Variants in KIAA0753 observed in about 807,000 individuals in gnomAD.
KIAA0753 encodes the protein KIAA0753.
In KIAA0753, 114 loss-of-function variants were observed where a neutral mutation model predicts 116.9. The ratio of observed to expected loss-of-function variants is 0.98; its 90% CI spans 0.84 to 1.14. The LOEUF is 1.14. Among genes scored for constraint, KIAA0753 ranks in the 50% most tolerant of loss-of-function variants. The pLI is 0.00. For missense variants in KIAA0753, 1,156 were observed against 1,172.4 expected (o/e 0.99, Z 0.20); for synonymous variants, 405 against 413.1 (o/e 0.98, Z 0.24).
intron 14 of KIAA0753, among the ~76,000 whole-genome samples, chr17:6,597,203 C>T (rs922881849): frequency 1.3e-5 from 2 of 152,106 alleles, no homozygotes; most frequent in Admixed American, 6.5e-5. Flanking sequence ...TGAATGGTTA[C>T]AGCTACGGCA....
At chr17:6,609,834 A>G (rs1970415840) in intron 9 of KIAA0753, among the ~76,000 whole-genome samples, 160 bp downstream of exon 9, 2 of 152,186 alleles carry the variant, frequency 1.3e-5, no homozygotes, top group African/African-American at 2.4e-5. Context: ...GCTTCCAGAC[A>G]AAGACTTCTC....
At chr17:6,596,904 T>C (rs1969525405) in intron 14 of KIAA0753, among the ~76,000 whole-genome samples, 1 of 152,246 alleles carries the variant, frequency 6.6e-6, no homozygotes, top group Admixed American at 6.5e-5. Flanking sequence ...TGTATTTCTC[T>C]TGATTTGAAT....
chr17:6,625,065 G>A (rs1256715494), intron 3 of KIAA0753, among the ~76,000 whole-genome samples: 1 of 152,194 alleles, frequency 6.6e-6, no homozygotes, highest in Non-Finnish European at 1.5e-5. Flanking sequence ...CTGAGAGATG[G>A]AAGGGACATA....
intron 16 of KIAA0753, 133 bp from the exon 17 acceptor site, chr17:6,590,763 T>G (rs1361729820): frequency 1.3e-6 from 1 of 799,672 alleles, no homozygotes; most frequent in Non-Finnish European, 2.0e-6. Context: ...TGGCTAGCAG[T>G]GCAATGGGAA....
chr17:6,619,587 C>T (rs1310801352), intron 7 of KIAA0753, among the ~76,000 whole-genome samples: 1 of 152,024 alleles, frequency 6.6e-6, no homozygotes, highest in Admixed American at 6.6e-5. Context: ...CCACCACTCC[C>T]GGCTACTTTT....
At chr17:6,605,274 T>G (rs1295693698) in intron 12 of KIAA0753, among the ~76,000 whole-genome samples, 1 of 152,126 alleles carries the variant, frequency 6.6e-6, no homozygotes, top group African/African-American at 2.4e-5. Context: ...CTGCTAAGGA[T>G]AGTCATCCCA....
chr17:6,592,506 G>A (rs1969148729), intron 16 of KIAA0753, among the ~76,000 whole-genome samples: 1 of 152,216 alleles, frequency 6.6e-6, no homozygotes, highest in Non-Finnish European at 1.5e-5. Flanking sequence ...AGTGGTGACA[G>A]TAACCTAGCC....
intron 9 of KIAA0753, 41 bp downstream of exon 9, chr17:6,609,953 G>A: frequency 6.2e-7 from 1 of 1,601,966 alleles, no homozygotes; most frequent in Non-Finnish European, 8.5e-7. Context: ...GGAGGAAAAA[G>A]AGCATCACAT....
At chr17:6,630,673 G>C (rs1308154482) in intron 2 of KIAA0753, among the ~76,000 whole-genome samples, 1 of 152,144 alleles carries the variant, frequency 6.6e-6, no homozygotes, top group African/African-American at 2.4e-5. Context: ...GAATCAATCT[G>C]AGTCCCCATG....
At chr17:6,623,420 T>G in intron 5 of KIAA0753, 89 bp downstream of exon 5, 1 of 1,029,816 alleles carries the variant, frequency 9.7e-7, no homozygotes, top group East Asian at 2.4e-5. Flanking sequence ...GAAAATAACA[T>G]TAGTGCAGAG....
Position 6,622,436 on chromosome 17 carries a change from C to T in KIAA0753, c.1104+446G>A, listed in dbSNP as rs142872135. 4.7e-4 allele frequency among the ~76,000 whole-genome samples: 71 copies of T among 152,320 alleles called. 2 individuals carry two copies. The highest frequency in any genetic ancestry group is 2.7e-3 in the East Asian group (14 of 5,186). On this transcript the variant is annotated intron_variant, in intron 6 of 18. Transcript: ENST00000361413. ...ATACATGCCAGCTGTGATTTCTAGA[C>T]GTCTCTAGCTATATCACAAGATTTG...
At chr17:6,612,218 C>G (rs1339371702) in intron 7 of KIAA0753, 70 bp from the exon 8 acceptor site, 7 of 1,161,348 alleles carry the variant, frequency 6.0e-6, no homozygotes, top group Admixed American at 3.8e-5. Context: ...GAATGATTAT[C>G]TACACACAGA....
intron 7 of KIAA0753, among the ~76,000 whole-genome samples, chr17:6,619,836 TTAAC>T (rs1971183622): frequency 3.3e-5 from 5 of 152,246 alleles, no homozygotes. Flanking sequence ...AATAAAAGAG[TTAAC>T]TAACAAAGTC....
rs920318359 is a variant in KIAA0753, at chr17:6,578,767, G to C, written c.*980C>G. On this transcript the variant is annotated 3_prime_UTR_variant, in exon 19 of 19. Transcript: ENST00000361413. The stretch of plus-strand genomic sequence containing the variant: ...TTACGCACATTCCGTTTCTTTTTCT[G>C]AATTCAGAGTTTCTGAAAACACAGG... The C allele has an allele frequency of 2.6e-5, 4 of 152,184 alleles. No homozygotes were observed. The highest frequency in any genetic ancestry group is 2.9e-5 in the Non-Finnish European group (2 of 68,032). The allele number at this position is 152,184 out of a possible 1,614,324, so 9.4% of individuals were successfully genotyped here. A position where few individuals can be genotyped will look rare whatever the true frequency, so the allele number is the denominator to read the frequency against.
chr17:6,635,148 C>A lies in KIAA0753; in HGVS notation c.-45G>T. ...CAATAGTGACAGCCTTGTCATCCGGCAACAGTCTTCCCTAAAACCATTCCT... is the reference window on the plus strand; with the variant it reads ...CAATAGTGACAGCCTTGTCATCCGGAAACAGTCTTCCCTAAAACCATTCCT... On this transcript the variant is annotated 5_prime_UTR_variant, in exon 2 of 19. Transcript: ENST00000361413. 7.3e-7 allele frequency: 1 copy of A among 1,378,802 alleles called. No individual in the cohort carries two copies. Among genetic ancestry groups the A allele is most frequent in the Non-Finnish European group, 1.0e-6 (1 of 966,018 alleles). 85.4% of individuals were successfully genotyped at this position (1,378,802 alleles called of 1,614,324 possible). A position where few individuals can be genotyped will look rare whatever the true frequency, so the allele number is the denominator to read the frequency against.
At chr17:6,609,362 C>A (rs1970389552) in intron 9 of KIAA0753, among the ~76,000 whole-genome samples, 1 of 152,218 alleles carries the variant, frequency 6.6e-6, no homozygotes, top group Admixed American at 6.5e-5. Context: ...TATCTTCAAC[C>A]GATTCCCCTA....
At chr17:6,582,682 T>C (rs1334528890) in intron 18 of KIAA0753, among the ~76,000 whole-genome samples, 1 of 152,240 alleles carries the variant, frequency 6.6e-6, no homozygotes, top group African/African-American at 2.4e-5. Context: ...TCTTTCTTGG[T>C]TTCCTTTAGA....
At chr17:6,580,915 CACACACACACACACA>C (rs573611566) in intron 18 of KIAA0753, among the ~76,000 whole-genome samples, 3,282 of 150,088 alleles carry the variant, frequency 0.022, 65 homozygotes, top group South Asian at 0.04. Context: ...CACACACACA[CACACACACACACACA>C]CCTTCATTTT....
At chr17:6,580,899 T>TACACACACACACACAC (rs33914667) in intron 18 of KIAA0753, among the ~76,000 whole-genome samples, 33 of 144,030 alleles carry the variant, frequency 2.3e-4, no homozygotes, top group African/African-American at 6.2e-4. Flanking sequence ...TGCTCCTCTG[T>TACACACACACACACAC]ACACACACAC....
Sources: gnomAD v4.1 joint callset for allele counts (sites outside exome capture counted in the v4.1 genomes callset) on GRCh38, gnomAD v4.1.1 for gene constraint, MANE v1.5 for transcripts, NCBI Gene and HGNC (gene_info 2026-07-23, HGNC 2026-07-21) for gene names.